The following SYNRG variants were observed in gnomAD, a reference collection of about 807,000 sequenced individuals.
SYNRG encodes the protein AP1 gamma subunit binding protein 1.
SYNRG carries 37 observed loss-of-function variants against 130.9 expected under a neutral mutation model. That is an observed-to-expected ratio of 0.28 (90% CI 0.22 to 0.37). The LOEUF (loss-of-function observed/expected upper bound fraction) is 0.37. SYNRG is among the 10% of genes least tolerant of loss of function. The pLI is 1.00. For missense variants in SYNRG, 1,338 were observed against 1,588.9 expected (o/e 0.84, Z 2.68); for synonymous variants, 539 against 568.1 (o/e 0.95, Z 0.73).
chr17:37,540,563 C>T lies in SYNRG; in HGVS notation c.3203-20G>A, dbSNP rs1260636386. The T allele has an allele frequency of 1.9e-6, 3 of 1,609,644 alleles. No homozygotes were observed. Among genetic ancestry groups the T allele is most frequent in the Admixed American group, 1.7e-5 (1 of 59,562 alleles). ...GTGATCCTGGGAGAAGGGGATAATA[C>T]AGTCAAAGGTTTTGGCTACTCACCT... On this transcript the variant is annotated intron_variant, in intron 15 of 21. Transcript: ENST00000612223.
intron 4 of SYNRG, 130 bp downstream of exon 4, chr17:37,586,289 A>C: frequency 7.5e-7 from 1 of 1,332,134 alleles, no homozygotes; most frequent in Non-Finnish European, 1.0e-6. Context: ...CCACTGGGCC[A>C]GGCCTTAAGA....
Position 37,571,944 on chromosome 17 carries a change from T to G in SYNRG, c.945A>C (p.Gly315=). 1.2e-6 allele frequency: 2 copies of G among 1,614,164 alleles called. No individual in the cohort carries two copies. The highest frequency in any genetic ancestry group is 2.2e-5 in the South Asian group (2 of 91,064). The change falls in exon 9 of 22, where the codon GGA becomes GGC. Residue 315 remains glycine, a synonymous_variant. Coordinates refer to ENST00000612223, the MANE Select transcript of SYNRG (RefSeq NM_007247.6). Reference sequence around the variant, plus strand: ...TGGGATACAGTTTGGCAGTATCTATTCCAGTTGGAGTCATTGTGGTTTCTA... The same window carrying G: ...TGGGATACAGTTTGGCAGTATCTATGCCAGTTGGAGTCATTGTGGTTTCTA... The part of the protein sequence containing the change: ...KILETTMTPT[G]IDTAKLYPIL...
At chr17:37,556,905 C>CTTTG (rs146198175) in intron 13 of SYNRG, among the ~76,000 whole-genome samples, 13 of 151,958 alleles carry the variant, frequency 8.6e-5, no homozygotes, top group East Asian at 1.9e-4. Flanking sequence ...ACAAGTATTG[C>CTTTG]TTTGTTTGTT....
chr17:37,568,905 T>G lies in SYNRG; in HGVS notation c.1367A>C (p.Asp456Ala), dbSNP rs1332312172. 1.2e-6 allele frequency: 2 copies of G among 1,613,690 alleles called. No homozygotes were observed. The highest frequency in any genetic ancestry group is 3.3e-5 in the Admixed American group (2 of 60,010). Residue 456 changes from aspartate to alanine, a missense_variant, in exon 11 of 22, where the codon GAT becomes GCT. This residue lies in a region of SYNRG where 1,146 missense variants were observed against 1,342.3 expected (regional missense o/e 0.85). Coordinates refer to ENST00000612223, the MANE Select transcript of SYNRG (RefSeq NM_007247.6). The stretch of plus-strand genomic sequence containing the variant: ...AGCATCTTGAAAATCCTGGAAGTCA[T>G]CTTCTTCTGGCTTTACTACCTAGGT... ...PANQVVKPEE[D>A]DFQDFQDASK...
intron 3 of SYNRG, among the ~76,000 whole-genome samples, chr17:37,589,568 A>G (rs1356822655): frequency 2.0e-5 from 3 of 151,806 alleles, no homozygotes; most frequent in South Asian, 4.2e-4. Context: ...GGCTAACACG[A>G]TGAAATCCCA....
intron 8 of SYNRG, among the ~76,000 whole-genome samples, chr17:37,572,450 A>T (rs1363592786): frequency 6.6e-6 from 1 of 152,152 alleles, no homozygotes; most frequent in East Asian, 1.9e-4. Flanking sequence ...AAGAAAAAAA[A>T]ATTTGAGATA....
chr17:37,574,896 C>T (rs1667721851), intron 8 of SYNRG, among the ~76,000 whole-genome samples: 1 of 151,942 alleles, frequency 6.6e-6, no homozygotes, highest in Non-Finnish European at 1.5e-5. Flanking sequence ...CAAAAGCAAC[C>T]TAAGTGTCCA....
At chr17:37,543,646 C>T (rs2057991852) in intron 14 of SYNRG, among the ~76,000 whole-genome samples, 1 of 152,176 alleles carries the variant, frequency 6.6e-6, no homozygotes, top group Non-Finnish European at 1.5e-5. Context: ...GTGAGCAATA[C>T]ATAATAGCTA....
At chr17:37,589,165 A>G (rs1005237597) in intron 3 of SYNRG, among the ~76,000 whole-genome samples, 14 of 152,220 alleles carry the variant, frequency 9.2e-5, no homozygotes, top group Admixed American at 2.0e-4. Context: ...TAAAAGAGTA[A>G]AAGTGTCCAC....
In SYNRG at chr17:37,540,440, A is replaced by G. The variant is rs1406514213; in HGVS notation, c.3306T>C (p.Asn1102=). 1 of 1,613,870 alleles carries G rather than the reference A, an allele frequency of 6.2e-7. No homozygotes were observed. The highest frequency in any genetic ancestry group is 8.5e-7 in the Non-Finnish European group (1 of 1,179,916). The change falls in exon 16 of 22, where the codon AAT becomes AAC. Residue 1102 remains asparagine (N), a synonymous_variant. Transcript: ENST00000612223. The part of the protein sequence containing the change: ...QPFRDRSNTL[N]EKPALPVIRD... Reference sequence around the variant, plus strand: ...GGATGACGGGCAGGGCGGGCTTCTCATTCAGAGTATTGGAACGGTCTCTGA... The same window carrying G: ...GGATGACGGGCAGGGCGGGCTTCTCGTTCAGAGTATTGGAACGGTCTCTGA...
chr17:37,560,110 T>C (rs2059415659), intron 13 of SYNRG, among the ~76,000 whole-genome samples: 1 of 152,110 alleles, frequency 6.6e-6, no homozygotes, highest in Non-Finnish European at 1.5e-5. Flanking sequence ...AAGGTCTCAC[T>C]ATGTTGCCCA....
rs1372931221 is a variant in SYNRG, at chr17:37,561,118, C to T, written c.1663+77G>A. On this transcript the variant is annotated intron_variant, in intron 13 of 21. Transcript: ENST00000612223. ...ACACACACTAAAATAAAGGGAATGC[C>T]ACTGAAAGAACCATCGAAAACCCCT... 5.7e-6 allele frequency: 7 copies of T among 1,218,470 alleles called. No homozygotes were observed. In the East Asian group the frequency reaches 1.6e-4, roughly 29 times the overall value. 75.5% of individuals were successfully genotyped at this position (1,218,470 alleles called of 1,614,324 possible). A position where few individuals can be genotyped will look rare whatever the true frequency, so the allele number is the denominator to read the frequency against.
chr17:37,528,658 T>C (rs538928930), intron 19 of SYNRG, among the ~76,000 whole-genome samples: 6 of 152,208 alleles, frequency 3.9e-5, no homozygotes, highest in Non-Finnish European at 7.3e-5. Flanking sequence ...TCCTGGAAGT[T>C]TGTATAGTTT....
chr17:37,585,337 A>G lies in SYNRG; in HGVS notation c.465T>C (p.Ser155=). 6.2e-7 allele frequency: 1 copy of G among 1,613,600 alleles called. No individual in the cohort carries two copies. The highest frequency in any genetic ancestry group is 2.2e-5 in the East Asian group (1 of 44,872). ...EQKQKLRLLS[S]VKPKTGEKSR... is the part of the protein sequence containing the mutation. ...ATTGAAATACTACCTTGGGTTTCAC[A>G]CTGCTCAAAAGTCTGAGCTTTTGCT... The change falls in exon 5 of 22, where the codon AGT becomes AGC. Residue 155 remains serine (S), a synonymous_variant. Transcript: ENST00000612223.
intron 7 of SYNRG, 63 bp from the exon 8 acceptor site, chr17:37,576,481 A>G (rs934574162): frequency 2.0e-6 from 3 of 1,497,854 alleles, no homozygotes; most frequent in African/African-American, 2.8e-5. Flanking sequence ...AATCACACTG[A>G]GTCATGGTTT....
rs979456630 is a variant in SYNRG, at chr17:37,529,996, A to G, written c.3666+5983T>C. On this transcript the variant is annotated intron_variant, in intron 19 of 21. Transcript: ENST00000612223. Reference sequence around the variant, plus strand: ...GAAGGAGGCTTTTAAGTTACTCTACAGTCCTGGTATATATATGTACAAGAG... The same window carrying G: ...GAAGGAGGCTTTTAAGTTACTCTACGGTCCTGGTATATATATGTACAAGAG... 3 of 688,734 alleles carry G rather than the reference A, an allele frequency of 4.4e-6. No individual in the cohort carries two copies. The African/African-American group carries it at 5.4e-5, about 12-fold the overall frequency. The allele number at this position is 688,734 out of a possible 1,614,324, so 42.7% of individuals were successfully genotyped here. A position where few individuals can be genotyped will look rare whatever the true frequency, so the allele number is the denominator to read the frequency against.
Position 37,518,599 on chromosome 17 carries a change from G to A in SYNRG, c.*341C>T, listed in dbSNP as rs967921948. The A allele has an allele frequency of 8.5e-5, 20 of 236,412 alleles. No homozygotes were observed. In the Admixed American group the frequency reaches 8.6e-4, roughly 10 times the overall value. 14.6% of individuals were successfully genotyped at this position (236,412 alleles called of 1,614,324 possible). A position where few individuals can be genotyped will look rare whatever the true frequency, so the allele number is the denominator to read the frequency against. Reference sequence around the variant, plus strand: ...CCAAGCAGTCGCCCATTCTAGTCCCGCAACGGTAATCTATTTTTCTTCAAA... The same window carrying A: ...CCAAGCAGTCGCCCATTCTAGTCCCACAACGGTAATCTATTTTTCTTCAAA... On this transcript the variant is annotated 3_prime_UTR_variant, in exon 22 of 22. Coordinates refer to ENST00000612223, the MANE Select transcript of SYNRG (RefSeq NM_007247.6).
Position 37,540,392 on chromosome 17 carries a change from C to T in SYNRG, c.3354G>A (p.Thr1118=), listed in dbSNP as rs1196483697. The part of the protein sequence containing the change: ...PVIRDKYKDL[T]GEVEENERYA... ...GCTCTCCTCTCACCTCCACCTCTCC[C>T]GTCAGGTCTTTGTACTTGTCTCGGA... The change falls in exon 16 of 22, where the codon ACG becomes ACA. Residue 1118 remains threonine (T), a synonymous_variant. Coordinates refer to ENST00000612223, the MANE Select transcript of SYNRG (RefSeq NM_007247.6). 7 of 1,613,594 alleles carry T rather than the reference C, an allele frequency of 4.3e-6. No individual in the cohort carries two copies. The highest frequency in any genetic ancestry group is 4.5e-5 in the East Asian group (2 of 44,882).
rs544826256 is a variant in SYNRG at position 37,596,383 on chromosome 17, A to G, written c.119-39T>C. ...GACATTATTAAAGTCAATGTGTTTT[A>G]AAGTTTATTTTCTTAAAACCATAAG... On this transcript the variant is annotated intron_variant, in intron 2 of 21. Transcript: ENST00000612223. 6.9e-5 allele frequency: 111 copies of G among 1,608,432 alleles called. No individual in the cohort carries two copies. In the South Asian group the frequency reaches 1.2e-3, roughly 17 times the overall value.
Sources: gnomAD v4.1 joint callset for allele counts (sites outside exome capture counted in the v4.1 genomes callset) on GRCh38, gnomAD v4.1.1 for gene constraint, gnomAD v4.1.1 regional missense constraint, MANE v1.5 for transcripts, NCBI Gene and HGNC (gene_info 2026-07-23, HGNC 2026-07-21) for gene names.